Variants in TENM3 observed in about 807,000 individuals in gnomAD.
TENM3 encodes the protein teneurin transmembrane protein 3.
A neutral mutation model predicts 255.1 loss-of-function variants in TENM3; 63 were observed. The observed-to-expected ratio is 0.25, with a 90% CI of 0.20 to 0.30. The LOEUF (loss-of-function observed/expected upper bound fraction) is 0.30. Ranked by LOEUF, TENM3 falls within the 10% of genes least tolerant of loss-of-function variation. TENM3 has a pLI of 1.00. For missense variants in TENM3, 2,929 were observed against 3,461.1 expected (o/e 0.85, Z 3.86); for synonymous variants, 1,306 against 1,322.3 (o/e 0.99, Z 0.27).
intron 5 of TENM3, among the ~76,000 whole-genome samples, chr4:182,651,528 T>G (rs1561057240): frequency 6.7e-6 from 1 of 148,346 alleles, no homozygotes. Context: ...CCGTCTGTAA[T>G]AAAAAAAAAA....
At chr4:181,831,010 T>C in the TENM3 span, among the ~76,000 whole-genome samples, 3 of 152,146 alleles carry the variant, frequency 2.0e-5, no homozygotes, top group Admixed American at 6.5e-5. Context: ...GTAAAAATAA[T>C]CTTATCATCT....
chr4:181,644,488 T>G, the TENM3 span, among the ~76,000 whole-genome samples: 1 of 152,024 alleles, frequency 6.6e-6, no homozygotes, highest in Non-Finnish European at 1.5e-5. Flanking sequence ...AGATGAAAGA[T>G]AATCAAATTC....
chr4:182,777,988 A>G (rs1317162081), intron 24 of TENM3, among the ~76,000 whole-genome samples: 1 of 152,134 alleles, frequency 6.6e-6, no homozygotes, highest in Non-Finnish European at 1.5e-5. Context: ...GACACAGCAG[A>G]AAATAACAAG....
At chr4:181,569,931 A>C in the TENM3 span, among the ~76,000 whole-genome samples, 1 of 152,166 alleles carries the variant, frequency 6.6e-6, no homozygotes, top group Non-Finnish European at 1.5e-5. Context: ...TAACGGACCT[A>C]ACTAAGAAAA....
chr4:182,119,587 T>C, the TENM3 span, among the ~76,000 whole-genome samples: 2 of 152,188 alleles, frequency 1.3e-5, no homozygotes, highest in Non-Finnish European at 2.9e-5. Context: ...ACCTCCCTTC[T>C]TTGAGGGACC....
At chr4:182,687,756 A>T (rs913790024) in intron 11 of TENM3, among the ~76,000 whole-genome samples, 2 of 18,082 alleles carry the variant, frequency 1.1e-4, no homozygotes, top group African/African-American at 4.4e-4. Context: ...GTCCTGTTAG[A>T]TACCTGAGAT....
intron 4 of TENM3, among the ~76,000 whole-genome samples, chr4:182,613,678 G>C (rs1325641103): frequency 6.6e-6 from 1 of 152,104 alleles, no homozygotes; most frequent in African/African-American, 2.4e-5. Context: ...TTCAGAGCTT[G>C]GTTAACACAC....
chr4:181,476,219 T>TG, the TENM3 span, among the ~76,000 whole-genome samples: 1 of 151,540 alleles, frequency 6.6e-6, no homozygotes, highest in Non-Finnish European at 1.5e-5. Context: ...TTTTTTTTTT[T>TG]TTTTTGACAT....
chr4:182,008,178 G>A, the TENM3 span, among the ~76,000 whole-genome samples: 97 of 152,158 alleles, frequency 6.4e-4, no homozygotes, highest in Middle Eastern at 6.8e-3. Context: ...TTTCAACCTT[G>A]GAGAATTTGA....
the TENM3 span, among the ~76,000 whole-genome samples, chr4:181,495,902 T>TAAAAAAAAAAAAAAAAAA: frequency 8.6e-6 from 1 of 116,850 alleles, no homozygotes; most frequent in Non-Finnish European, 1.7e-5. Flanking sequence ...AGAGACAAAT[T>TAAAAAAAAAAAAAAAAAA]AAAAAAAAAA....
At chr4:182,333,831 T>TA (rs1190271251) in intron 2 of TENM3, among the ~76,000 whole-genome samples, 9 of 151,986 alleles carry the variant, frequency 5.9e-5, no homozygotes, top group South Asian at 2.1e-4. Flanking sequence ...CTCTAGAAAT[T>TA]AAAAAAAAGG....
chr4:182,062,054 T>C, the TENM3 span, among the ~76,000 whole-genome samples: 2 of 152,220 alleles, frequency 1.3e-5, no homozygotes, highest in African/African-American at 4.8e-5. Context: ...GATGTCCTTA[T>C]GTTAGATTGA....
At chr4:182,061,260 G>A in the TENM3 span, among the ~76,000 whole-genome samples, 1 of 152,140 alleles carries the variant, frequency 6.6e-6, no homozygotes, top group Non-Finnish European at 1.5e-5. Flanking sequence ...GAAAAACAAT[G>A]ACCTACATAA....
At chr4:182,444,697 G>C (rs1312415466) in intron 3 of TENM3, among the ~76,000 whole-genome samples, 1 of 152,152 alleles carries the variant, frequency 6.6e-6, no homozygotes, top group Non-Finnish European at 1.5e-5. Context: ...AAATCCACAA[G>C]TTATCAATTT....
chr4:181,622,440 C>T, the TENM3 span, among the ~76,000 whole-genome samples: 1 of 152,174 alleles, frequency 6.6e-6, no homozygotes, highest in Non-Finnish European at 1.5e-5. Context: ...CTTTGGGAGG[C>T]TGAGGCAGGT....
At chr4:182,114,508 A>G in the TENM3 span, among the ~76,000 whole-genome samples, 2 of 152,160 alleles carry the variant, frequency 1.3e-5, no homozygotes, top group Middle Eastern at 6.8e-3. Context: ...TTGCCATACC[A>G]TTACATTTCA....
the TENM3 span, among the ~76,000 whole-genome samples, chr4:181,566,685 T>C: frequency 2.6e-5 from 4 of 152,296 alleles, no homozygotes; most frequent in Non-Finnish European, 4.4e-5. Context: ...CTGTTGTTAT[T>C]CTTCTCTGAG....
chr4:181,936,456 A>G, the TENM3 span, among the ~76,000 whole-genome samples: 4 of 152,130 alleles, frequency 2.6e-5, no homozygotes, highest in South Asian at 8.3e-4. Context: ...TAATTAGTTA[A>G]TTACTTTGTA....
chr4:182,660,704 T>C (rs900485232), intron 6 of TENM3, among the ~76,000 whole-genome samples: 1 of 152,220 alleles, frequency 6.6e-6, no homozygotes, highest in African/African-American at 2.4e-5. Flanking sequence ...GAAAGAAATA[T>C]TATCGTGTAT....
Sources: gnomAD v4.1 joint callset for allele counts (sites outside exome capture counted in the v4.1 genomes callset) on GRCh38, gnomAD v4.1.1 for gene constraint, MANE v1.5 for transcripts, NCBI Gene and HGNC (gene_info 2026-07-23, HGNC 2026-07-21) for gene names.